MYLK: variants seen among roughly 807,000 people sequenced by gnomAD.
The protein encoded by MYLK is myosin light chain kinase, smooth muscle.
A neutral mutation model predicts 203.4 loss-of-function variants in MYLK; 106 were observed. The ratio of observed to expected loss-of-function variants is 0.52; its 90% CI spans 0.45 to 0.61. MYLK has a LOEUF of 0.61. Ranked by LOEUF, MYLK falls within the 20% of genes least tolerant of loss-of-function variation. The probability of loss-of-function intolerance (pLI) is 0.00; values close to 1 mark genes in which losing one functional copy is unlikely to be tolerated. For missense variants in MYLK, 2,072 were observed against 2,442.3 expected (o/e 0.85, Z 3.20); for synonymous variants, 867 against 959.5 (o/e 0.90, Z 1.78).
chr3:123,705,452 T>C (rs1279991291), intron 16 of MYLK, among the ~76,000 whole-genome samples: 1 of 152,202 alleles, frequency 6.6e-6, no homozygotes, highest in African/African-American at 2.4e-5. Context: ...CCATAAGGAA[T>C]GGAAGAGCAT....
chr3:123,705,076 A>T (rs1415418905), intron 16 of MYLK, among the ~76,000 whole-genome samples: 1 of 152,052 alleles, frequency 6.6e-6, no homozygotes, highest in Non-Finnish European at 1.5e-5. Flanking sequence ...ACCCACCCAT[A>T]CCTGCCTCAC....
At position 123,638,087 on chromosome 3, in the gene MYLK, C is replaced by G. The variant is rs1399510023; in HGVS notation, c.4945G>C (p.Val1649Leu). ...GYATDMWSIG[V>L]ICYILVSGLS... The stretch of plus-strand genomic sequence containing the variant: ...AGGACTCACAGGATGTAGCAGATGA[C>G]CCCGATGCTCCACATGTCTGTGGCG... The change falls in exon 29 of 34, where the codon GTC becomes CTC. Residue 1649 changes from valine to leucine, a missense_variant. Physicochemically the swap from Val to Leu is conservative, Grantham distance 32 (BLOSUM62 1). Around this residue, in one of 3 missense-constraint regions of MYLK, gnomAD observed 524 missense variants for 782.4 expected, o/e 0.67. Transcript: ENST00000360304. The G allele has an allele frequency of 6.2e-7, 1 of 1,614,018 alleles. No individual in the cohort carries two copies. Among genetic ancestry groups the G allele is most frequent in the Admixed American group, 1.7e-5 (1 of 60,012 alleles).
chr3:123,880,906 A>G (rs1274900146), intron 1 of MYLK, among the ~76,000 whole-genome samples: 1 of 152,206 alleles, frequency 6.6e-6, no homozygotes, highest in Non-Finnish European at 1.5e-5. Flanking sequence ...GCATGCAACA[A>G]GGAGGAGGGA....
chr3:123,833,931 G>T (rs1286581430), intron 2 of MYLK, among the ~76,000 whole-genome samples: 1 of 152,196 alleles, frequency 6.6e-6, no homozygotes, highest in East Asian at 1.9e-4. Context: ...TCTCTCCAGA[G>T]AGAGGACTGA....
chr3:123,859,370 C>T (rs1414115484), intron 2 of MYLK, among the ~76,000 whole-genome samples: 2 of 152,228 alleles, frequency 1.3e-5, no homozygotes, highest in Non-Finnish European at 2.9e-5. Flanking sequence ...GGTATGTATA[C>T]ATGAAGTTTT....
intron 3 of MYLK, among the ~76,000 whole-genome samples, chr3:123,798,024 G>A: frequency 6.6e-6 from 1 of 152,196 alleles, no homozygotes; most frequent in Non-Finnish European, 1.5e-5. Flanking sequence ...AGGTGGGGAG[G>A]AGGGCCTGAG....
chr3:123,618,228 C>G lies in MYLK; in HGVS notation c.5500+411G>C, dbSNP rs186356959. ...CACAGCCTGTGGACGAGTAGCAGAG[C>G]CTGCCGATTCCACATCCTATGCCTT... On this transcript the variant is annotated intron_variant, in intron 33 of 33. Coordinates refer to ENST00000360304, the MANE Select transcript of MYLK (RefSeq NM_053025.4). The G allele has an allele frequency of 9.7e-4, 240 of 247,348 alleles. 1 individual carries two copies. Among genetic ancestry groups the G allele is most frequent in the Middle Eastern group, 4.5e-3 (3 of 660 alleles). The allele number at this position is 247,348 out of a possible 1,614,324, so 15.3% of individuals were successfully genotyped here.
At chr3:123,814,165 T>C in intron 3 of MYLK, 1 of 350,336 alleles carries the variant, frequency 2.9e-6, no homozygotes. Context: ...TGGGCCCTGT[T>C]CCTGTGTCTC....
chr3:123,657,974 CAG>C (rs2059443790), intron 23 of MYLK, among the ~76,000 whole-genome samples: 1 of 152,192 alleles, frequency 6.6e-6, no homozygotes, highest in Admixed American at 6.5e-5. Context: ...AGTTTGAACA[CAG>C]ATCTGTCCCC....
intron 24 of MYLK, among the ~76,000 whole-genome samples, chr3:123,652,372 G>A (rs1231786738): frequency 2.6e-5 from 4 of 152,204 alleles, no homozygotes; most frequent in African/African-American, 4.8e-5. Context: ...ATGGTTCTGA[G>A]ATATTTCTGC....
In MYLK at chr3:123,738,971, C is replaced by A. The variant is rs1287886464; in HGVS notation, c.514G>T (p.Val172Phe). The change falls in exon 7 of 34, where the codon GTC becomes TTC. Residue 172 changes from valine (V) to phenylalanine (F), a missense_variant. Val to Phe is a conservative substitution (Grantham distance 50). Transcript: ENST00000360304. ...KFATKLGRVVVKEGQMGRFSC... is the reference protein window; with the variant it reads ...KFATKLGRVVFKEGQMGRFSC... ...AATCGTCCCATCTGTCCTTCTTTGA[C>A]CACAACTCGGCCCAGCTTGGTAGCA... 1.2e-6 allele frequency: 2 copies of A among 1,613,654 alleles called. No homozygotes were observed. The highest frequency in any genetic ancestry group is 1.7e-6 in the Non-Finnish European group (2 of 1,179,844).
At chr3:123,747,450 C>A (rs1253275943) in intron 5 of MYLK, among the ~76,000 whole-genome samples, 1 of 152,182 alleles carries the variant, frequency 6.6e-6, no homozygotes, top group Non-Finnish European at 1.5e-5. Flanking sequence ...GAGAGCCAGG[C>A]AGACGGCTCC....
intron 27 of MYLK, among the ~76,000 whole-genome samples, chr3:123,641,488 T>C (rs893496463): frequency 1.3e-5 from 2 of 151,728 alleles, no homozygotes; most frequent in Admixed American, 1.3e-4. Context: ...TGTTGAGCTA[T>C]GATCACACAA....
intron 27 of MYLK, among the ~76,000 whole-genome samples, chr3:123,641,670 C>T (rs2058836048): frequency 6.6e-6 from 1 of 152,036 alleles, no homozygotes; most frequent in East Asian, 1.9e-4. Flanking sequence ...TCATGCCTGG[C>T]CTATAACCAA....
intron 3 of MYLK, among the ~76,000 whole-genome samples, chr3:123,808,674 G>A (rs2065453020): frequency 5.3e-5 from 8 of 152,112 alleles, no homozygotes. Context: ...GGAAACCTAA[G>A]GTCCAGACAA....
At chr3:123,738,833 T>C in intron 7 of MYLK, 64 bp downstream of exon 7, 1 of 1,558,310 alleles carries the variant, frequency 6.4e-7, no homozygotes, top group Non-Finnish European at 8.7e-7. Flanking sequence ...CGGGTATGTC[T>C]ATTAGCAGCA....
At chr3:123,880,747 A>G (rs181072536) in intron 1 of MYLK, among the ~76,000 whole-genome samples, 11 of 152,302 alleles carry the variant, frequency 7.2e-5, no homozygotes, top group Admixed American at 3.3e-4. Context: ...GCAGGAGGGC[A>G]GGGAAAAGAA....
chr3:123,839,077 G>A (rs899314147), intron 2 of MYLK, among the ~76,000 whole-genome samples: 3 of 152,094 alleles, frequency 2.0e-5, no homozygotes, highest in Non-Finnish European at 4.4e-5. Flanking sequence ...CTGGGCAACA[G>A]AGCGAGACTC....
In MYLK at chr3:123,647,174, C is replaced by G. The variant is rs373280219; in HGVS notation, c.4619+50G>C. 5 of 1,572,168 alleles carry G rather than the reference C, an allele frequency of 3.2e-6. No individual in the cohort carries two copies. The East Asian group carries it at 1.1e-4, about 35-fold the overall frequency. On this transcript the variant is annotated intron_variant, in intron 27 of 33. Coordinates refer to ENST00000360304, the MANE Select transcript of MYLK (RefSeq NM_053025.4). ...CTGGGGTAGGGCAGTAGGGGAGACA[C>G]GTTTGGGGGCTCCCTGTGGTGCCCA...
Sources: allele counts gnomAD v4.1 joint callset (sites outside exome capture counted in the v4.1 genomes callset), GRCh38; gene constraint gnomAD v4.1.1; regional missense constraint gnomAD v4.1.1; transcripts MANE v1.5; gene names NCBI Gene and HGNC (gene_info 2026-07-23, HGNC 2026-07-21).